ARID5B: variants seen among roughly 807,000 people sequenced by gnomAD.
ARID5B encodes the protein AT-rich interaction domain 5B.
In ARID5B, 13 loss-of-function variants were observed where a neutral mutation model predicts 97.2. The observed-to-expected ratio is 0.13, with a 90% CI of 0.09 to 0.21. The LOEUF is 0.21. ARID5B is among the 10% of genes least tolerant of loss of function. The pLI is 1.00. For synonymous variants in ARID5B, 556 were observed against 570.3 expected, an observed-to-expected ratio of 0.97 and a Z score of 0.36; for missense variants, 1,210 against 1,465.3, an observed-to-expected ratio of 0.83 and a Z score of 2.84.
rs1237193556 is a variant in ARID5B, at chr10:62,044,948, G to A, written c.734-5940G>A. On this transcript the variant is annotated intron_variant, in intron 4 of 9. Coordinates refer to ENST00000279873, the MANE Select transcript of ARID5B (RefSeq NM_032199.3). ...ATAAACTTGAATATTTCCTAAATTC[G>A]TATGTGATCAGTGTTTTGTGAATTT... is the stretch of plus-strand genomic sequence containing the variant. 3.3e-5 allele frequency among the ~76,000 whole-genome samples: 5 copies of A among 152,124 alleles called. 1 individual carries two copies. Among genetic ancestry groups the A allele is most frequent in the African/African-American group, 4.8e-5 (2 of 41,414 alleles).
In ARID5B at chr10:62,084,755, T is replaced by C. The variant is rs545129676; in HGVS notation, c.1200-947T>C. ...GAAAACAGATTAAAACTAGAGCTGT[T>C]TGATGTTTCTCTTTTTAGAGCAATT... On this transcript the variant is annotated intron_variant, in intron 8 of 9. Transcript: ENST00000279873. Among the ~76,000 whole-genome samples, 17 of 152,368 alleles carry C rather than the reference T, an allele frequency of 1.1e-4. No homozygotes were observed. In the South Asian group the frequency reaches 3.5e-3, roughly 32 times the overall value.
At chr10:61,995,475 C>G (rs1436305926) in intron 3 of ARID5B, among the ~76,000 whole-genome samples, 8 of 152,138 alleles carry the variant, frequency 5.3e-5, no homozygotes, top group African/African-American at 9.7e-5. Flanking sequence ...CCATTGAACA[C>G]TTTAGTATTT....
intron 8 of ARID5B, among the ~76,000 whole-genome samples, chr10:62,070,164 A>G (rs1457781864): frequency 6.6e-6 from 1 of 152,092 alleles, no homozygotes; most frequent in Non-Finnish European, 1.5e-5. Flanking sequence ...AAAAGTAAGC[A>G]CTTCTCATAA....
chr10:62,091,323 A>C lies in ARID5B; in HGVS notation c.1860A>C (p.Ala620=), dbSNP rs752419109. 1.2e-6 allele frequency: 2 copies of C among 1,614,230 alleles called. No individual in the cohort carries two copies. The highest frequency in any genetic ancestry group is 1.7e-6 in the Non-Finnish European group (2 of 1,180,026). Residue 620 remains alanine (A), a synonymous_variant, in exon 10 of 10, where the codon GCA becomes GCC. Coordinates refer to ENST00000279873, the MANE Select transcript of ARID5B (RefSeq NM_032199.3). ...ETEDDKLPAM[A]DYIANCTVKV... is the part of the protein sequence containing the mutation. ...AGGATGACAAACTGCCCGCCATGGC[A>C]GATTACATTGCCAACTGCACCGTGA...
chr10:62,084,978 G>A (rs1419922510), intron 8 of ARID5B, among the ~76,000 whole-genome samples: 3 of 152,212 alleles, frequency 2.0e-5, no homozygotes, highest in South Asian at 2.1e-4. Context: ...TCTTGGCCAC[G>A]CTGTGCTTGC....
In ARID5B at chr10:62,081,321, A is replaced by G. The variant is rs577162792; in HGVS notation, c.1200-4381A>G. The stretch of plus-strand genomic sequence containing the variant: ...CCACTCTCTGGATTCAATCAGTTCC[A>G]GACATTATTGTAATACCATTTTTCA... On this transcript the variant is annotated intron_variant, in intron 8 of 9. Coordinates refer to ENST00000279873, the MANE Select transcript of ARID5B (RefSeq NM_032199.3). Among the ~76,000 whole-genome samples the G allele has an allele frequency of 2.6e-5, 4 of 152,344 alleles. No homozygotes were observed. In the East Asian group the frequency reaches 7.7e-4, roughly 29 times the overall value.
chr10:61,913,105 T>C (rs944281525), intron 2 of ARID5B, among the ~76,000 whole-genome samples: 16 of 152,196 alleles, frequency 1.1e-4, no homozygotes, highest in Admixed American at 8.5e-4. Flanking sequence ...AAATTTGCAC[T>C]GTGGAAAAGA....
chr10:61,935,012 A>T (rs964227704), intron 2 of ARID5B, among the ~76,000 whole-genome samples: 2 of 127,922 alleles, frequency 1.6e-5, no homozygotes, highest in African/African-American at 3.6e-5. Flanking sequence ...GACTCTGATT[A>T]AAAAAAAAAA....
chr10:61,974,391 G>A (rs1838671461), intron 3 of ARID5B, among the ~76,000 whole-genome samples: 1 of 152,156 alleles, frequency 6.6e-6, no homozygotes, highest in African/African-American at 2.4e-5. Context: ...GTGGGGGACA[G>A]AGAGAAAGAG....
In ARID5B at chr10:62,091,531, C is replaced by T; in HGVS notation, c.2068C>T (p.Leu690=). The change falls in exon 10 of 10, where the codon CTG becomes TTG. Residue 690 remains leucine, a synonymous_variant. Coordinates refer to ENST00000279873, the MANE Select transcript of ARID5B (RefSeq NM_032199.3). The part of the protein sequence containing the change: ...SRGNPGIMSP[L]AKKKLLSQVS... ...GGGCAACCCAGGCATCATGTCCCCA[C>T]TGGCCAAGAAAAAGCTTTTGTCCCA... The T allele has an allele frequency of 6.2e-7, 1 of 1,613,646 alleles. No individual in the cohort carries two copies. The highest frequency in any genetic ancestry group is 1.1e-5 in the South Asian group (1 of 90,942).
intron 4 of ARID5B, among the ~76,000 whole-genome samples, chr10:62,002,014 C>T (rs572933764): frequency 1.3e-4 from 20 of 152,146 alleles, no homozygotes; most frequent in South Asian, 1.2e-3. Context: ...GGCTCCCAAA[C>T]GTTGCTTCCT....
intron 9 of ARID5B, 37 bp from the exon 10 acceptor site, chr10:62,090,825 G>T: frequency 1.3e-6 from 2 of 1,525,962 alleles, no homozygotes; most frequent in South Asian, 1.3e-5. Flanking sequence ...CTGTGTATTT[G>T]GTTTTCTTCT....
In ARID5B at chr10:62,091,535, C is replaced by T; in HGVS notation, c.2072C>T (p.Ala691Val). The T allele has an allele frequency of 6.2e-7, 1 of 1,613,474 alleles. No individual in the cohort carries two copies. Among genetic ancestry groups the T allele is most frequent in the East Asian group, 2.2e-5 (1 of 44,880 alleles). The change falls in exon 10 of 10, where the codon GCC (alanine) becomes GTC (valine). Residue 691 changes from alanine to valine, a missense_variant. Physicochemically the swap from Ala to Val is moderately conservative, Grantham distance 64. Coordinates refer to ENST00000279873, the MANE Select transcript of ARID5B (RefSeq NM_032199.3). ...AACCCAGGCATCATGTCCCCACTGG[C>T]CAAGAAAAAGCTTTTGTCCCAAGTG... ...RGNPGIMSPLAKKKLLSQVSG... is the reference protein window; with the variant it reads ...RGNPGIMSPLVKKKLLSQVSG...
At chr10:61,961,805 T>C (rs1399468654) in intron 3 of ARID5B, among the ~76,000 whole-genome samples, 1 of 152,152 alleles carries the variant, frequency 6.6e-6, no homozygotes, top group Non-Finnish European at 1.5e-5. Context: ...TGGAGTGCAA[T>C]GGTGCAATCT....
At chr10:62,054,725 A>C (rs1839832779) in intron 5 of ARID5B, among the ~76,000 whole-genome samples, 1 of 152,198 alleles carries the variant, frequency 6.6e-6, no homozygotes, top group Non-Finnish European at 1.5e-5. Context: ...TGACCTAATA[A>C]TATAGGTAGT....
chr10:62,038,971 A>T (rs568722583), intron 4 of ARID5B, among the ~76,000 whole-genome samples: 3 of 152,372 alleles, frequency 2.0e-5, no homozygotes, highest in Non-Finnish European at 1.5e-5. Flanking sequence ...GTTTCCACTA[A>T]CAGCGAATAA....
chr10:61,911,797 C>T lies in ARID5B; in HGVS notation c.276+9384C>T, dbSNP rs563870398. 2.0e-5 allele frequency among the ~76,000 whole-genome samples: 3 copies of T among 152,266 alleles called. No individual in the cohort carries two copies. The South Asian group carries it at 6.2e-4, about 32-fold the overall frequency. Reference sequence around the variant, plus strand: ...TTGTCTTGCCGTCATTATTCCAATGCCCTTCGCCCTTGGCTCACTTCCATG... The same window carrying T: ...TTGTCTTGCCGTCATTATTCCAATGTCCTTCGCCCTTGGCTCACTTCCATG... On this transcript the variant is annotated intron_variant, in intron 2 of 9. Transcript: ENST00000279873.
At chr10:61,912,946 C>G (rs1285024734) in intron 2 of ARID5B, among the ~76,000 whole-genome samples, 1 of 152,148 alleles carries the variant, frequency 6.6e-6, no homozygotes, top group Non-Finnish European at 1.5e-5. Flanking sequence ...GAGCTCAGCT[C>G]AGAGTATCAC....
intron 5 of ARID5B, among the ~76,000 whole-genome samples, chr10:62,055,300 C>G (rs1839840688): frequency 6.6e-6 from 1 of 152,182 alleles, no homozygotes; most frequent in African/African-American, 2.4e-5. Flanking sequence ...CACTTACTAA[C>G]TAGGGCATGA....
Sources: allele counts gnomAD v4.1 joint callset (sites outside exome capture counted in the v4.1 genomes callset), GRCh38; gene constraint gnomAD v4.1.1; transcripts MANE v1.5; gene names NCBI Gene and HGNC (gene_info 2026-07-23, HGNC 2026-07-21).